Variants in SLC24A3 observed in about 807,000 individuals in gnomAD.
SLC24A3 encodes sodium/potassium/calcium exchanger 3.
A neutral mutation model predicts 75.8 loss-of-function variants in SLC24A3; 28 were observed. That is an observed-to-expected ratio of 0.37 (90% confidence interval 0.27 to 0.51). SLC24A3 has a LOEUF of 0.51. Ranked by LOEUF, SLC24A3 falls within the 20% of genes least tolerant of loss-of-function variation. The pLI is 0.94. For synonymous variants in SLC24A3, 372 were observed against 334.1 expected, an observed-to-expected ratio of 1.11 and a Z score of -1.24; for missense variants, 663 against 847.8, an observed-to-expected ratio of 0.78 and a Z score of 2.71.
chr20:19,704,890 A>G (rs1568705044), intron 15 of SLC24A3, among the ~76,000 whole-genome samples: 1 of 152,126 alleles, frequency 6.6e-6, no homozygotes, highest in African/African-American at 2.4e-5. Context: ...TAAATCCAAT[A>G]TAGTTCTTAG....
chr20:19,679,744 C>G (rs77807890), intron 9 of SLC24A3, among the ~76,000 whole-genome samples: 16 of 152,258 alleles, frequency 1.1e-4, no homozygotes, highest in Admixed American at 3.9e-4. Flanking sequence ...TCACAAATGT[C>G]TTTTTCATTG....
chr20:19,640,300 G>GTT (rs140771042), intron 6 of SLC24A3, among the ~76,000 whole-genome samples: 19,613 of 152,200 alleles, frequency 0.13, 1,343 homozygotes, highest in Admixed American at 0.15. Flanking sequence ...TTAAGGGTTA[G>GTT]TTTACTGACA....
intron 3 of SLC24A3, among the ~76,000 whole-genome samples, chr20:19,523,282 C>A (rs2030137753): frequency 6.6e-6 from 1 of 152,212 alleles, no homozygotes; most frequent in Non-Finnish European, 1.5e-5. Flanking sequence ...GTCCCAGCAA[C>A]AACTCACTTG....
At chr20:19,493,458 T>C (rs1232175788) in intron 2 of SLC24A3, among the ~76,000 whole-genome samples, 3 of 152,212 alleles carry the variant, frequency 2.0e-5, no homozygotes, top group Admixed American at 6.5e-5. Flanking sequence ...AAATTTTAAT[T>C]AAATGAGTGA....
At chr20:19,643,335 G>A (rs1157569765) in intron 6 of SLC24A3, among the ~76,000 whole-genome samples, 2 of 152,176 alleles carry the variant, frequency 1.3e-5, no homozygotes, top group East Asian at 3.8e-4. Context: ...ACACCAGGTA[G>A]AAATCTTAAT....
In SLC24A3 at chr20:19,312,073, C is replaced by T. The variant is rs534322373; in HGVS notation, c.271+30986C>T. ...ATAAACTCAGAGGTAGATCACTGCC[C>T]GGATGGAAAATTGCCATGTGAACCA... On this transcript the variant is annotated intron_variant, in intron 2 of 16. Coordinates refer to ENST00000328041, the MANE Select transcript of SLC24A3 (RefSeq NM_020689.4). Among the ~76,000 whole-genome samples the T allele has an allele frequency of 9.1e-4, 139 of 152,260 alleles. 1 individual carries two copies. Among genetic ancestry groups the T allele is most frequent in the African/African-American group, 3.0e-3 (125 of 41,536 alleles).
intron 2 of SLC24A3, among the ~76,000 whole-genome samples, chr20:19,389,888 A>T (rs6046047): frequency 0.15 from 23,364 of 152,002 alleles, 2,813 homozygotes; most frequent in East Asian, 0.33. Context: ...TGTTCCATAA[A>T]TCCCATATCC....
intron 2 of SLC24A3, among the ~76,000 whole-genome samples, chr20:19,424,728 CAAA>C: frequency 1.0e-5 from 1 of 99,506 alleles, no homozygotes; most frequent in African/African-American, 3.8e-5. Context: ...GACCCTTTCT[CAAA>C]AAAAAAACAA....
rs182400789 is a variant in SLC24A3, at chr20:19,566,797, A to G, written c.349-13203A>G. ...AACCAGGAAACATTTCTGCTTCTCC[A>G]TCATGCTTGGCAGCAGGGCTTCAGG... On this transcript the variant is annotated intron_variant, in intron 3 of 16. Coordinates refer to ENST00000328041, the MANE Select transcript of SLC24A3 (RefSeq NM_020689.4). 4.5e-4 allele frequency among the ~76,000 whole-genome samples: 69 copies of G among 152,302 alleles called. 1 individual carries two copies. Among genetic ancestry groups the G allele is most frequent in the African/African-American group, 1.7e-3 (69 of 41,564 alleles).
Position 19,300,940 on chromosome 20 carries a change from G to A in SLC24A3, c.271+19853G>A, listed in dbSNP as rs369920404. 2.0e-4 allele frequency among the ~76,000 whole-genome samples: 31 copies of A among 152,252 alleles called. No individual in the cohort carries two copies. In the South Asian group the frequency reaches 5.2e-3, roughly 25 times the overall value. On this transcript the variant is annotated intron_variant, in intron 2 of 16. Coordinates refer to ENST00000328041, the MANE Select transcript of SLC24A3 (RefSeq NM_020689.4). The stretch of plus-strand genomic sequence containing the variant: ...GATCACAGTGGTGGTGGCAGCTGCC[G>A]GGAACAGTTCTCCATGTTGTCCCCA...
intron 3 of SLC24A3, among the ~76,000 whole-genome samples, chr20:19,526,722 C>T (rs1419493415): frequency 6.6e-6 from 1 of 152,162 alleles, no homozygotes; most frequent in Non-Finnish European, 1.5e-5. Context: ...TGGGTTCAAA[C>T]CCCAGCCTTG....
chr20:19,224,592 A>G (rs1383537707), intron 1 of SLC24A3, among the ~76,000 whole-genome samples: 2 of 152,174 alleles, frequency 1.3e-5, no homozygotes, highest in African/African-American at 2.4e-5. Context: ...TGAATGCTCC[A>G]TGAAAATAGC....
chr20:19,274,650 G>A (rs1329099669), intron 1 of SLC24A3, among the ~76,000 whole-genome samples: 1 of 152,102 alleles, frequency 6.6e-6, no homozygotes, highest in Non-Finnish European at 1.5e-5. Context: ...CTACCTGTAC[G>A]AAGCCAGGGC....
chr20:19,310,123 G>A (rs6045987), intron 2 of SLC24A3, among the ~76,000 whole-genome samples: 1 of 152,174 alleles, frequency 6.6e-6, no homozygotes, highest in South Asian at 2.1e-4. Flanking sequence ...CTTCACCTAG[G>A]TGTCATGACA....
chr20:19,337,242 C>G (rs756124965), intron 2 of SLC24A3, among the ~76,000 whole-genome samples: 1 of 152,100 alleles, frequency 6.6e-6, no homozygotes, highest in African/African-American at 2.4e-5. Flanking sequence ...GTCAGGAGTT[C>G]GAGACCAGCC....
chr20:19,225,461 C>T (rs900387518), intron 1 of SLC24A3, among the ~76,000 whole-genome samples: 1 of 152,228 alleles, frequency 6.6e-6, no homozygotes, highest in Admixed American at 6.5e-5. Context: ...AATATTTCTT[C>T]CCTTACATAT....
Position 19,480,723 on chromosome 20 carries a change from G to A in SLC24A3, c.272-34765G>A, listed in dbSNP as rs572108023. On this transcript the variant is annotated intron_variant, in intron 2 of 16. Transcript: ENST00000328041. The stretch of plus-strand genomic sequence containing the variant: ...CTGTGTGCTGATCTTGCAGAAAGGG[G>A]GAAGTTCCCCAAAGACCAGTTGGCT... Among the ~76,000 whole-genome samples the A allele has an allele frequency of 5.3e-5, 8 of 152,246 alleles. No homozygotes were observed. In the South Asian group the frequency reaches 1.7e-3, roughly 32 times the overall value.
chr20:19,456,769 G>A (rs1245239399), intron 2 of SLC24A3, among the ~76,000 whole-genome samples: 1 of 152,204 alleles, frequency 6.6e-6, no homozygotes, highest in Non-Finnish European at 1.5e-5. Context: ...AACAGGGCAA[G>A]GAAGTGATTG....
intron 2 of SLC24A3, among the ~76,000 whole-genome samples, chr20:19,368,233 C>A (rs895682616): frequency 6.6e-6 from 1 of 152,220 alleles, no homozygotes; most frequent in Non-Finnish European, 1.5e-5. Flanking sequence ...GCTGGTGTCG[C>A]TACTGAAGAC....
Sources: allele counts gnomAD v4.1 joint callset (sites outside exome capture counted in the v4.1 genomes callset), GRCh38; gene constraint gnomAD v4.1.1; transcripts MANE v1.5; gene names NCBI Gene and HGNC (gene_info 2026-07-23, HGNC 2026-07-21).